The following VAV3 variants were observed in gnomAD, a reference collection of about 807,000 sequenced individuals.
The protein encoded by VAV3 is guanine nucleotide exchange factor VAV3.
In VAV3, 94 loss-of-function variants were observed where a neutral mutation model predicts 131.2. The ratio of observed to expected loss-of-function variants is 0.72; its 90% CI spans 0.61 to 0.85. The LOEUF (loss-of-function observed/expected upper bound fraction) is 0.85, where lower values mean the gene tolerates loss of function less well. Ranked by LOEUF, VAV3 falls within the 40% of genes least tolerant of loss-of-function variation. VAV3 has a pLI of 0.00. For synonymous variants in VAV3, 349 were observed against 342.0 expected (o/e 1.02, Z -0.22); for missense variants, 939 against 1,002.7 (o/e 0.94, Z 0.86).
chr1:107,758,566 CA>C (rs974759613), intron 10 of VAV3, among the ~76,000 whole-genome samples: 1 of 152,012 alleles, frequency 6.6e-6, no homozygotes, highest in Admixed American at 6.6e-5. Context: ...TCTCTTAAAA[CA>C]AAAAACAACA....
chr1:107,634,728 C>T (rs945181614), intron 20 of VAV3, among the ~76,000 whole-genome samples: 1 of 150,034 alleles, frequency 6.7e-6, no homozygotes, highest in African/African-American at 2.4e-5. Context: ...ACTCATCTGA[C>T]AAAGGGCTAA....
At chr1:107,917,325 G>C (rs77375597) in intron 1 of VAV3, among the ~76,000 whole-genome samples, 4,081 of 152,164 alleles carry the variant, frequency 0.027, 83 homozygotes, top group Non-Finnish European at 0.04. Flanking sequence ...ACATACCAGG[G>C]ACCACGCTAA....
intron 15 of VAV3, among the ~76,000 whole-genome samples, chr1:107,738,233 T>A (rs1295537527): frequency 6.6e-6 from 1 of 152,042 alleles, no homozygotes; most frequent in African/African-American, 2.4e-5. Flanking sequence ...AGGGATAGCA[T>A]TAGGAGAAAA....
intron 2 of VAV3, among the ~76,000 whole-genome samples, chr1:107,843,551 T>TTATA (rs141323283): frequency 6.9e-6 from 1 of 145,980 alleles, no homozygotes; most frequent in Non-Finnish European, 1.5e-5. Context: ...ATATATATAT[T>TTATA]TATATATATA....
At chr1:107,611,898 C>T (rs1194867769) in intron 21 of VAV3, among the ~76,000 whole-genome samples, 2 of 152,044 alleles carry the variant, frequency 1.3e-5, no homozygotes, top group African/African-American at 4.8e-5. Context: ...CAGTCATAGG[C>T]CCTCTGCACT....
Position 107,749,034 on chromosome 1 carries a change from C to T in VAV3, c.1436G>A (p.Gly479Glu). Reference protein sequence around the residue: ...FYLIHTQGQNGLEFYCKTKDL... With the variant: ...FYLIHTQGQNELEFYCKTKDL... ...TTTTGTTTTGCAATAAAATTCTAAC[C>T]CATTTTGTCCTTGGGTATGGATGAG... Residue 479 changes from glycine (G) to glutamate (E), a missense_variant, in exon 15 of 27, where the codon GGG (glycine) becomes GAG (glutamate). By Grantham distance (98) the Gly-to-Glu change is moderately conservative (BLOSUM62 -2). Coordinates refer to ENST00000370056, the MANE Select transcript of VAV3 (RefSeq NM_006113.5). 6.2e-7 allele frequency: 1 copy of T among 1,612,288 alleles called. No homozygotes were observed. Among genetic ancestry groups the T allele is most frequent in the East Asian group, 2.2e-5 (1 of 44,728 alleles).
At chr1:107,773,337 G>C (rs932960246) in intron 4 of VAV3, among the ~76,000 whole-genome samples, 3 of 152,154 alleles carry the variant, frequency 2.0e-5, no homozygotes, top group Non-Finnish European at 4.4e-5. Context: ...TTCATCAACT[G>C]TATTAATGGG....
intron 1 of VAV3, among the ~76,000 whole-genome samples, chr1:107,929,161 G>T (rs1039572422): frequency 2.6e-5 from 4 of 151,686 alleles, no homozygotes; most frequent in Non-Finnish European, 5.9e-5. Context: ...GGTGGCAGAC[G>T]CCTGTAGTCC....
At chr1:107,762,316 A>G (rs139634363) in intron 9 of VAV3, among the ~76,000 whole-genome samples, 172 of 152,242 alleles carry the variant, frequency 1.1e-3, no homozygotes, top group Non-Finnish European at 2.0e-3. Context: ...ATGGAATGAT[A>G]TATTATGAGG....
chr1:107,896,947 A>C (rs10157558), intron 1 of VAV3, among the ~76,000 whole-genome samples: 6,277 of 152,190 alleles, frequency 0.041, 326 homozygotes, highest in African/African-American at 0.12. Flanking sequence ...AGGAAAATAA[A>C]TCTATTCTGT....
chr1:107,704,237 T>A (rs1368611854), intron 17 of VAV3, among the ~76,000 whole-genome samples: 4 of 152,238 alleles, frequency 2.6e-5, no homozygotes, highest in Non-Finnish European at 5.9e-5. Flanking sequence ...TTTTCGGCTA[T>A]GTTTGTATGG....
chr1:107,830,303 AGAGATCCTCGTGCCTCAGCCTCCT>A (rs1265300294), intron 2 of VAV3, among the ~76,000 whole-genome samples: 1 of 151,996 alleles, frequency 6.6e-6, no homozygotes, highest in Admixed American at 6.5e-5. Flanking sequence ...CCTGGCCTCA[AGAGATCCTCGTGCCTCAGCCTCCT>A]GAGAAGCTGG....
At chr1:107,895,558 T>C (rs779712542) in intron 1 of VAV3, among the ~76,000 whole-genome samples, 3 of 151,986 alleles carry the variant, frequency 2.0e-5, no homozygotes, top group Non-Finnish European at 4.4e-5. Flanking sequence ...TTAGAGGAGG[T>C]AGGATTCAAA....
Position 107,931,965 on chromosome 1 carries a change from T to C in VAV3, c.204+32701A>G, listed in dbSNP as rs956148145. 1.3e-5 allele frequency among the ~76,000 whole-genome samples: 2 copies of C among 152,320 alleles called. 1 individual carries two copies. The highest frequency in any genetic ancestry group is 4.1e-4 in the South Asian group (2 of 4,828). Reference sequence around the variant, plus strand: ...GAAAAAATATAGAAATCTATTACATTCTTAACAGTACAGCTAATAAATGTT... The same window carrying C: ...GAAAAAATATAGAAATCTATTACATCCTTAACAGTACAGCTAATAAATGTT... On this transcript the variant is annotated intron_variant, in intron 1 of 26. Transcript: ENST00000370056.
intron 20 of VAV3, among the ~76,000 whole-genome samples, chr1:107,630,827 C>T (rs1188903506): frequency 3.9e-5 from 6 of 152,130 alleles, no homozygotes; most frequent in Middle Eastern, 6.3e-3. Flanking sequence ...GTACATGATT[C>T]CACATTTAGA....
At chr1:107,892,957 C>A (rs1671383025) in intron 1 of VAV3, among the ~76,000 whole-genome samples, 2 of 152,296 alleles carry the variant, frequency 1.3e-5, no homozygotes, top group East Asian at 1.9e-4. Context: ...CACTACCTGG[C>A]CTCCAGCTCA....
intron 2 of VAV3, among the ~76,000 whole-genome samples, chr1:107,837,236 C>G (rs1668517990): frequency 6.6e-6 from 1 of 152,108 alleles, no homozygotes; most frequent in African/African-American, 2.4e-5. Context: ...TGAAGGAGGC[C>G]TTATTCCTGG....
intron 10 of VAV3, 58 bp downstream of exon 10, chr1:107,760,726 A>C: frequency 7.4e-7 from 1 of 1,358,990 alleles, no homozygotes. Flanking sequence ...TTGATGCTTC[A>C]TTAATATTTT....
intron 12 of VAV3, among the ~76,000 whole-genome samples, chr1:107,753,513 C>CATATACACATATACATAT (rs1663887098): frequency 7.4e-5 from 6 of 80,626 alleles, no homozygotes; most frequent in African/African-American, 2.8e-4. Flanking sequence ...TATATACACA[C>CATATACACATATACATAT]ATATATATAT....
Sources: gnomAD v4.1 joint callset for allele counts (sites outside exome capture counted in the v4.1 genomes callset) on GRCh38, gnomAD v4.1.1 for gene constraint, MANE v1.5 for transcripts, NCBI Gene and HGNC (gene_info 2026-07-23, HGNC 2026-07-21) for gene names.